Variants in ANKS1B observed in about 807,000 individuals in gnomAD.
ANKS1B encodes the protein ankyrin repeat and sterile alpha motif domain-containing protein 1B.
A neutral mutation model predicts 148.3 loss-of-function variants in ANKS1B; 36 were observed. The observed-to-expected ratio is 0.24, with a 90% confidence interval of 0.19 to 0.32. The LOEUF is 0.32. Ranked by LOEUF, ANKS1B falls within the 10% of genes least tolerant of loss-of-function variation. The pLI is 1.00. For missense variants in ANKS1B, 1,157 were observed against 1,542.6 expected, an observed-to-expected ratio of 0.75 and a Z score of 4.19; for synonymous variants, 542 against 560.8, an observed-to-expected ratio of 0.97 and a Z score of 0.47.
At chr12:99,312,691 C>A (rs1255653194) in intron 12 of ANKS1B, among the ~76,000 whole-genome samples, 1 of 152,098 alleles carries the variant, frequency 6.6e-6, no homozygotes, top group African/African-American at 2.4e-5. Context: ...ACAGACAAGT[C>A]AAGGGTAAGG....
At chr12:99,725,997 T>G (rs1041434939) in intron 8 of ANKS1B, among the ~76,000 whole-genome samples, 2 of 152,022 alleles carry the variant, frequency 1.3e-5, no homozygotes, top group African/African-American at 4.8e-5. Context: ...GCTAAAGCAG[T>G]GTTAAGAGGG....
intron 17 of ANKS1B, among the ~76,000 whole-genome samples, chr12:98,965,837 C>G (rs186313027): frequency 0.026 from 4,003 of 152,268 alleles, 140 homozygotes; most frequent in African/African-American, 0.08. Context: ...GGAAAACTGG[C>G]TAGCCATATG....
At chr12:99,680,468 G>A (rs1338476757) in intron 8 of ANKS1B, among the ~76,000 whole-genome samples, 1 of 151,960 alleles carries the variant, frequency 6.6e-6, no homozygotes, top group Non-Finnish European at 1.5e-5. Context: ...GCAGCAGGAA[G>A]AGCCCTGTAG....
chr12:98,930,759 C>T (rs1329348741), intron 17 of ANKS1B, among the ~76,000 whole-genome samples: 1 of 151,810 alleles, frequency 6.6e-6, no homozygotes, highest in East Asian at 1.9e-4. Flanking sequence ...AGTGACTGCT[C>T]ATGGTTATGG....
At chr12:99,430,859 T>C (rs1020936164) in intron 11 of ANKS1B, among the ~76,000 whole-genome samples, 3 of 152,324 alleles carry the variant, frequency 2.0e-5, no homozygotes, top group South Asian at 2.1e-4. Context: ...TAGAATCACA[T>C]TGTCCAATCA....
At chr12:99,348,198 T>C (rs566908115) in intron 12 of ANKS1B, among the ~76,000 whole-genome samples, 1 of 152,070 alleles carries the variant, frequency 6.6e-6, no homozygotes, top group South Asian at 2.1e-4. Context: ...CAGCAACCTT[T>C]GGGATATCAT....
chr12:99,675,177 G>C (rs905348026), intron 8 of ANKS1B, among the ~76,000 whole-genome samples: 1 of 151,906 alleles, frequency 6.6e-6, no homozygotes, highest in African/African-American at 2.4e-5. Context: ...TATGTGTAAA[G>C]AATCTTTAAA....
At chr12:99,396,342 T>G (rs543381190) in intron 12 of ANKS1B, among the ~76,000 whole-genome samples, 1 of 152,196 alleles carries the variant, frequency 6.6e-6, no homozygotes, top group Non-Finnish European at 1.5e-5. Context: ...TAAATATGTG[T>G]AAGCTAATAA....
intron 12 of ANKS1B, among the ~76,000 whole-genome samples, chr12:99,357,630 A>G (rs560284958): frequency 5.3e-5 from 8 of 152,260 alleles, no homozygotes; most frequent in Admixed American, 3.9e-4. Context: ...CCTGAGATGT[A>G]ATTGCCTTGG....
chr12:99,142,690 T>G (rs953785530), intron 15 of ANKS1B, among the ~76,000 whole-genome samples: 4 of 152,294 alleles, frequency 2.6e-5, no homozygotes, highest in Middle Eastern at 3.4e-3. Context: ...CTTTCCACTA[T>G]ATTACAATTA....
Position 99,895,089 on chromosome 12 carries a change from T to A in ANKS1B, c.135-69700A>T, listed in dbSNP as rs977854185. On this transcript the variant is annotated intron_variant, in intron 1 of 26. Transcript: ENST00000683438. ...CCAGATATTTGGTCAAACATGATTCTGCATGTTTCTTGGCAAACATGTTTT... is the reference window on the plus strand; with the variant it reads ...CCAGATATTTGGTCAAACATGATTCAGCATGTTTCTTGGCAAACATGTTTT... Among the ~76,000 whole-genome samples the A allele has an allele frequency of 3.3e-5, 5 of 151,152 alleles. 1 individual carries two copies. Among genetic ancestry groups the A allele is most frequent in the Non-Finnish European group, 7.4e-5 (5 of 67,564 alleles).
intron 1 of ANKS1B, among the ~76,000 whole-genome samples, chr12:99,893,133 G>A (rs1478611945): frequency 3.9e-5 from 6 of 152,144 alleles, no homozygotes; most frequent in African/African-American, 7.2e-5. Context: ...ACTATAGGCC[G>A]GGTGCAGTGG....
At chr12:99,609,838 G>A (rs2097885033) in intron 9 of ANKS1B, among the ~76,000 whole-genome samples, 1 of 152,078 alleles carries the variant, frequency 6.6e-6, no homozygotes, top group African/African-American at 2.4e-5. Context: ...CTGCTAACCT[G>A]AATTTGGAAA....
rs547796492 is a variant in ANKS1B at position 99,145,499 on chromosome 12, T to C, written c.2526+8790A>G. Among the ~76,000 whole-genome samples the C allele has an allele frequency of 3.9e-5, 6 of 152,064 alleles. No individual in the cohort carries two copies. In the East Asian group the frequency reaches 1.2e-3, roughly 29 times the overall value. On this transcript the variant is annotated intron_variant, in intron 15 of 26. Transcript: ENST00000683438. ...TCCTTGATTAGCAATCGCGAGGACA[T>C]AGGCTATGTTAGGTAGGAGGGAAAC...
intron 15 of ANKS1B, among the ~76,000 whole-genome samples, chr12:99,098,541 G>T (rs1289427061): frequency 6.8e-6 from 1 of 146,842 alleles, no homozygotes; most frequent in Non-Finnish European, 1.5e-5. Context: ...TAAGGATATG[G>T]TGACATAATG....
At chr12:98,839,295 A>G (rs1442282398) in intron 17 of ANKS1B, among the ~76,000 whole-genome samples, 1 of 152,238 alleles carries the variant, frequency 6.6e-6, no homozygotes, top group Non-Finnish European at 1.5e-5. Flanking sequence ...CGAGTCCTCC[A>G]GGGCTCTCAA....
At chr12:99,410,504 C>T (rs545839842) in intron 11 of ANKS1B, among the ~76,000 whole-genome samples, 18 of 152,096 alleles carry the variant, frequency 1.2e-4, no homozygotes, top group Non-Finnish European at 2.6e-4. Flanking sequence ...CCCGTCTCTA[C>T]TAAAAATACA....
At chr12:99,238,154 CTG>C (rs1566704245) in intron 14 of ANKS1B, among the ~76,000 whole-genome samples, 2 of 152,236 alleles carry the variant, frequency 1.3e-5, no homozygotes, top group Non-Finnish European at 1.5e-5. Context: ...CCAAGGGAAA[CTG>C]TGACAGACTG....
At chr12:98,854,334 G>A (rs1218980555) in intron 17 of ANKS1B, among the ~76,000 whole-genome samples, 2 of 152,188 alleles carry the variant, frequency 1.3e-5, no homozygotes, top group African/African-American at 4.8e-5. Flanking sequence ...TGGGGCATGG[G>A]AAGTTTTGGA....
Sources: gnomAD v4.1 joint callset for allele counts (sites outside exome capture counted in the v4.1 genomes callset) on GRCh38, gnomAD v4.1.1 for gene constraint, MANE v1.5 for transcripts, NCBI Gene and HGNC (gene_info 2026-07-23, HGNC 2026-07-21) for gene names.